Variants in HOOK3 observed in about 807,000 individuals in gnomAD.
HOOK3 encodes hook microtubule tethering protein 3.
Under a neutral mutation model 116.3 loss-of-function variants are expected in HOOK3, and 24 were observed. The ratio of observed to expected loss-of-function variants is 0.21; its 90% CI spans 0.15 to 0.29. HOOK3 has a LOEUF of 0.29. Ranked by LOEUF, HOOK3 falls within the 10% of genes least tolerant of loss-of-function variation. The pLI, the probability that HOOK3 is intolerant of heterozygous loss-of-function variation, is 1.00. For synonymous variants in HOOK3, 275 were observed against 283.0 expected (o/e 0.97, Z 0.28); for missense variants, 632 against 830.2 (o/e 0.76, Z 2.93).
chr8:42,993,181 T>A (rs1809200034), intron 15 of HOOK3, among the ~76,000 whole-genome samples: 1 of 152,220 alleles, frequency 6.6e-6, no homozygotes, highest in African/African-American at 2.4e-5. Flanking sequence ...TAATAAATGA[T>A]CTTTTTAATG....
intron 2 of HOOK3, among the ~76,000 whole-genome samples, chr8:42,921,946 C>T (rs764744598): frequency 6.6e-6 from 1 of 152,142 alleles, no homozygotes; most frequent in East Asian, 1.9e-4. Flanking sequence ...AGTGATCTTA[C>T]AGTAAGTTGC....
At chr8:42,951,481 G>A (rs1046599971) in intron 6 of HOOK3, among the ~76,000 whole-genome samples, 10 of 152,140 alleles carry the variant, frequency 6.6e-5, no homozygotes, top group East Asian at 1.9e-4. Flanking sequence ...GAATATTTAC[G>A]TTTTAAATGT....
intron 12 of HOOK3, among the ~76,000 whole-genome samples, 161 bp downstream of exon 12, chr8:42,973,560 A>T (rs1808765055): frequency 6.6e-6 from 1 of 152,220 alleles, no homozygotes; most frequent in African/African-American, 2.4e-5. Flanking sequence ...TTTCAGAAAT[A>T]AGGCAAAAAA....
chr8:42,991,549 T>C (rs751016352), intron 15 of HOOK3, among the ~76,000 whole-genome samples: 2 of 152,044 alleles, frequency 1.3e-5, no homozygotes, highest in Non-Finnish European at 2.9e-5. Context: ...ACTACAGGCA[T>C]GAGCCACCAC....
At chr8:42,972,385 A>G (rs1367008952) in intron 11 of HOOK3, among the ~76,000 whole-genome samples, 4 of 152,198 alleles carry the variant, frequency 2.6e-5, no homozygotes, top group African/African-American at 9.6e-5. Flanking sequence ...GGCTGTCATT[A>G]CAAACTTCCA....
chr8:42,924,026 T>C (rs1807713569), intron 2 of HOOK3, among the ~76,000 whole-genome samples: 1 of 152,324 alleles, frequency 6.6e-6, no homozygotes, highest in Non-Finnish European at 1.5e-5. Context: ...TAAGCTAATT[T>C]GAGTAAAATT....
chr8:42,984,753 A>T (rs1297006142), intron 14 of HOOK3, among the ~76,000 whole-genome samples: 2 of 152,072 alleles, frequency 1.3e-5, no homozygotes, highest in Non-Finnish European at 2.9e-5. Context: ...AATACAAAAA[A>T]ATTAGCTGGG....
In HOOK3 at chr8:42,950,393, A is replaced by G; in HGVS notation, c.406A>G (p.Ile136Val). ...AVNCEQKQEY[I>V]QAIMMMEESV... ...TAGATTGTTCTTGTTTTCAGAGTAC[A>G]TCCAAGCCATTATGATGATGGAGGA... Residue 136 changes from isoleucine to valine, a missense_variant, in exon 6 of 22, where the codon ATC becomes GTC. Ile to Val is a conservative substitution (Grantham distance 29). Transcript: ENST00000307602. The G allele has an allele frequency of 1.9e-6, 3 of 1,606,980 alleles. No homozygotes were observed. Among genetic ancestry groups the G allele is most frequent in the Non-Finnish European group, 2.6e-6 (3 of 1,174,008 alleles).
chr8:42,922,589 A>G (rs556138454), intron 2 of HOOK3, among the ~76,000 whole-genome samples: 1 of 151,770 alleles, frequency 6.6e-6, no homozygotes, highest in Non-Finnish European at 1.5e-5. Flanking sequence ...TGTTTGCAAA[A>G]TATGCCATCA....
rs184247891 is a variant in HOOK3, at chr8:43,016,221, C to T, written c.2017-2137C>T. ...TAAGCTCCGACTCCTGGGTTCACGC[C>T]ATCCTCTTGCCTCAGCCTCCCGAGT... On this transcript the variant is annotated intron_variant, in intron 21 of 21. Transcript: ENST00000307602. Among the ~76,000 whole-genome samples, 241 of 151,466 alleles carry T rather than the reference C, an allele frequency of 1.6e-3. 1 individual carries two copies. The highest frequency in any genetic ancestry group is 5.6e-3 in the African/African-American group (232 of 41,276).
intron 14 of HOOK3, among the ~76,000 whole-genome samples, chr8:42,984,594 G>C (rs1209484510): frequency 6.6e-6 from 1 of 152,074 alleles, no homozygotes; most frequent in Non-Finnish European, 1.5e-5. Context: ...TAATACAGTT[G>C]GTTTTTTAAA....
Position 42,919,779 on chromosome 8 carries a change from A to G in HOOK3, c.144-5778A>G, listed in dbSNP as rs550118484. Among the ~76,000 whole-genome samples the G allele has an allele frequency of 8.7e-4, 132 of 152,290 alleles. 1 individual carries two copies. Among genetic ancestry groups the G allele is most frequent in the Non-Finnish European group, 1.6e-3 (110 of 68,008 alleles). ...AACACGGTGAAACCCTGTCTCCACC[A>G]AAAAATATGAAAACCAGTCAGGCGT... On this transcript the variant is annotated intron_variant, in intron 2 of 21. Coordinates refer to ENST00000307602, the MANE Select transcript of HOOK3 (RefSeq NM_032410.4).
chr8:42,959,769 G>T (rs1482163389), intron 8 of HOOK3, among the ~76,000 whole-genome samples: 1 of 135,560 alleles, frequency 7.4e-6, no homozygotes, highest in African/African-American at 2.8e-5. Context: ...TAAAGGTAAA[G>T]TTGAGAATAC....
chr8:42,972,208 C>A (rs998183328), intron 11 of HOOK3, among the ~76,000 whole-genome samples: 1 of 151,970 alleles, frequency 6.6e-6, no homozygotes, highest in Admixed American at 6.6e-5. Flanking sequence ...ATTGGGGAAT[C>A]CTGAGGCTCA....
Position 42,897,184 on chromosome 8 carries a change from C to T in HOOK3, c.53C>T (p.Thr18Ile), listed in dbSNP as rs1335399389. The change falls in exon 1 of 22, where the codon ACT (threonine) becomes ATT (isoleucine). Residue 18 changes from threonine to isoleucine, a missense_variant. By Grantham distance (89) the Thr-to-Ile change is moderately conservative (BLOSUM62 -1). This residue lies in a region of HOOK3 where 141 missense variants were observed against 150.8 expected (regional missense o/e 0.93). Transcript: ENST00000307602. ...GCGGAGCTGTGCGAGAGCCTCCTCA[C>T]TTGGGTACGTGGGGGCCGCGGGCCG... ...ERAELCESLL[T>I]WIQTFNVDAP... 4.0e-6 allele frequency: 5 copies of T among 1,247,276 alleles called. No homozygotes were observed. The East Asian group carries it at 1.6e-4, about 39-fold the overall frequency. 77.3% of individuals were successfully genotyped at this position (1,247,276 alleles called of 1,614,324 possible). A position where few individuals can be genotyped will look rare whatever the true frequency, so the allele number is the denominator to read the frequency against.
At chr8:43,007,625 A>G (rs760494333) in intron 17 of HOOK3, among the ~76,000 whole-genome samples, 3 of 152,216 alleles carry the variant, frequency 2.0e-5, no homozygotes, top group Non-Finnish European at 4.4e-5. Context: ...ATGCAGGTCT[A>G]TCTAAACTAA....
rs1809582681 is a variant in HOOK3, at chr8:43,010,410, G to A, written c.1839+5G>A. The A allele has an allele frequency of 3.1e-6, 4 of 1,291,980 alleles. No individual in the cohort carries two copies. The highest frequency in any genetic ancestry group is 4.2e-6 in the Non-Finnish European group (4 of 947,656). The allele number at this position is 1,291,980 out of a possible 1,614,324, so 80.0% of individuals were successfully genotyped here. On this transcript the variant is annotated splice_donor_5th_base_variant and intron_variant, in intron 19 of 21. Coordinates refer to ENST00000307602, the MANE Select transcript of HOOK3 (RefSeq NM_032410.4). Reference sequence around the variant, plus strand: ...TACTTAGAGAAAGCCAAAAGTGTAAGTATGAATTTTGTAGGCATCTCACTC... The same window carrying A: ...TACTTAGAGAAAGCCAAAAGTGTAAATATGAATTTTGTAGGCATCTCACTC...
intron 1 of HOOK3, 117 bp downstream of exon 1, chr8:42,897,305 C>G: frequency 3.3e-6 from 2 of 605,960 alleles, no homozygotes; most frequent in Non-Finnish European, 4.7e-6. Context: ...CATCCGGGGC[C>G]TGGGGCGGGC....
At position 43,025,628 on chromosome 8, in the gene HOOK3, C is replaced by G. The variant is rs1809919114; in HGVS notation, c.*7130C>G. On this transcript the variant is annotated 3_prime_UTR_variant, in exon 22 of 22. Coordinates refer to ENST00000307602, the MANE Select transcript of HOOK3 (RefSeq NM_032410.4). ...ATGTTTACTAGTAAAGGGAAAAACA[C>G]TTATTTTCATTTTGAGACTGTTTGG... The G allele has an allele frequency of 1.4e-5, 3 of 212,834 alleles. No individual in the cohort carries two copies. The highest frequency in any genetic ancestry group is 3.7e-4 in the South Asian group (2 of 5,360). 13.2% of individuals were successfully genotyped at this position (212,834 alleles called of 1,614,324 possible). A position where few individuals can be genotyped will look rare whatever the true frequency, so the allele number is the denominator to read the frequency against.
Sources: gnomAD v4.1 joint callset for allele counts (sites outside exome capture counted in the v4.1 genomes callset) on GRCh38, gnomAD v4.1.1 for gene constraint, gnomAD v4.1.1 regional missense constraint, MANE v1.5 for transcripts, NCBI Gene and HGNC (gene_info 2026-07-23, HGNC 2026-07-21) for gene names.